The following RBP2 variants were observed in gnomAD, a reference collection of about 807,000 sequenced individuals.
The protein encoded by RBP2 is retinol binding protein 2.
In RBP2, 17 loss-of-function variants were observed where a neutral mutation model predicts 17.0. The ratio of observed to expected loss-of-function variants is 1.00; its 90% CI spans 0.68 to 1.50. RBP2 has a LOEUF of 1.50. RBP2 is among the 40% of genes most tolerant of loss of function. The probability of loss-of-function intolerance (pLI) is 0.00; values close to 1 mark genes in which losing one functional copy is unlikely to be tolerated. For missense variants in RBP2, 158 were observed against 168.2 expected (o/e 0.94, Z 0.33); for synonymous variants, 48 against 57.1 (o/e 0.84, Z 0.72).
At position 139,454,770 on chromosome 3, in the gene RBP2, G is replaced by A. The variant is rs766189249; in HGVS notation, c.313C>T (p.Arg105Cys). The A allele has an allele frequency of 1.3e-5, 21 of 1,613,998 alleles. No homozygotes were observed. Among genetic ancestry groups the A allele is most frequent in the Admixed American group, 5.0e-5 (3 of 60,000 alleles). ...VCVQKGEKENRGWKQWIEGDK... is the reference protein window; with the variant it reads ...VCVQKGEKENCGWKQWIEGDK... ...CCCTCAATCCACTGCTTCCAGCCGCGGTTCTCCTTCTCCCCCTTTTGCACA... is the reference window on the plus strand; with the variant it reads ...CCCTCAATCCACTGCTTCCAGCCGCAGTTCTCCTTCTCCCCCTTTTGCACA... Residue 105 changes from arginine to cysteine, a missense_variant, in exon 3 of 4, where the codon CGC (arginine) becomes TGC (cysteine). Arg to Cys is a radical substitution (Grantham distance 180). Coordinates refer to ENST00000232217, the MANE Select transcript of RBP2 (RefSeq NM_004164.3).
intron 1 of RBP2, among the ~76,000 whole-genome samples, chr3:139,463,038 G>A (rs1219300082): frequency 6.6e-6 from 1 of 151,658 alleles, no homozygotes; most frequent in South Asian, 2.1e-4. Flanking sequence ...TTCACCATTT[G>A]CCCAGGCTGG....
intron 1 of RBP2, among the ~76,000 whole-genome samples, chr3:139,468,343 G>A (rs532526970): frequency 6.6e-6 from 1 of 152,316 alleles, no homozygotes; most frequent in East Asian, 1.9e-4. Flanking sequence ...GTCCCTGGTT[G>A]CATAGAAAGG....
chr3:139,471,282 T>G (rs1473003229), intron 1 of RBP2, among the ~76,000 whole-genome samples: 1 of 152,242 alleles, frequency 6.6e-6, no homozygotes, highest in East Asian at 1.9e-4. Flanking sequence ...ATGAGAATAA[T>G]TTGTGCTTGT....
chr3:139,471,080 T>A (rs1032273910), intron 1 of RBP2, among the ~76,000 whole-genome samples: 3 of 152,196 alleles, frequency 2.0e-5, no homozygotes, highest in African/African-American at 2.4e-5. Context: ...TTAAACTATT[T>A]GTTTACTTTC....
Position 139,453,174 on chromosome 3 carries a change from G to A in RBP2, c.355-8C>T, listed in dbSNP as rs534292803. The stretch of plus-strand genomic sequence containing the variant: ...GTCACCACAGGTCAGCTCCTGCAAC[G>A]TCAGAAAGTGGGTGAGGGTCTAACA... On this transcript the variant is annotated splice_polypyrimidine_tract_variant and splice_region_variant and intron_variant, in intron 3 of 3. Coordinates refer to ENST00000232217, the MANE Select transcript of RBP2 (RefSeq NM_004164.3). 5.6e-6 allele frequency: 9 copies of A among 1,614,090 alleles called. No individual in the cohort carries two copies. The highest frequency in any genetic ancestry group is 5.3e-5 in the African/African-American group (4 of 75,034).
rs755289228 is a variant in RBP2 at position 139,462,324 on chromosome 3, T to G, written c.74-34A>C. ...AAAGGGAGTTGTGGAGGTTATGATGTGCTCAGCCAGACTCATTCATTTCGT... is the reference window on the plus strand; with the variant it reads ...AAAGGGAGTTGTGGAGGTTATGATGGGCTCAGCCAGACTCATTCATTTCGT... On this transcript the variant is annotated intron_variant, in intron 1 of 3. Coordinates refer to ENST00000232217, the MANE Select transcript of RBP2 (RefSeq NM_004164.3). 1.2e-5 allele frequency: 19 copies of G among 1,606,992 alleles called. No homozygotes were observed. In the South Asian group the frequency reaches 2.0e-4, roughly 17 times the overall value.
At chr3:139,464,936 A>G (rs1278365265) in intron 1 of RBP2, among the ~76,000 whole-genome samples, 7 of 152,212 alleles carry the variant, frequency 4.6e-5, no homozygotes, top group Non-Finnish European at 1.0e-4. Flanking sequence ...AACTTTGTCC[A>G]TAGGAGGCTG....
intron 1 of RBP2, among the ~76,000 whole-genome samples, chr3:139,465,746 C>T (rs183636504): frequency 8.5e-5 from 13 of 152,138 alleles, no homozygotes; most frequent in Non-Finnish European, 1.5e-4. Flanking sequence ...CATACTGTCC[C>T]CCACCAAATG....
chr3:139,476,328 G>A lies in RBP2; in HGVS notation c.73+59C>T, dbSNP rs1576430716. The A allele has an allele frequency of 4.2e-6, 6 of 1,443,728 alleles. No homozygotes were observed. The East Asian group carries it at 1.4e-4, about 33-fold the overall frequency. 89.4% of individuals were successfully genotyped at this position (1,443,728 alleles called of 1,614,324 possible). A position where few individuals can be genotyped will look rare whatever the true frequency, so the allele number is the denominator to read the frequency against. ...AACTCCATAGCAGCACTGTCTGGAG[G>A]GCCAGACCACAGTACTCCCAACAAC... is the stretch of plus-strand genomic sequence containing the variant. On this transcript the variant is annotated intron_variant, in intron 1 of 3. Coordinates refer to ENST00000232217, the MANE Select transcript of RBP2 (RefSeq NM_004164.3).
chr3:139,472,896 C>T (rs1933612209), intron 1 of RBP2, among the ~76,000 whole-genome samples: 1 of 152,214 alleles, frequency 6.6e-6, no homozygotes, highest in South Asian at 2.1e-4. Flanking sequence ...ATGGCACAGT[C>T]CCTGGCATCC....
At chr3:139,476,309 A>G (rs2107887899) in intron 1 of RBP2, 78 bp downstream of exon 1, 9 of 1,239,960 alleles carry the variant, frequency 7.3e-6, no homozygotes, top group Non-Finnish European at 1.1e-5. Flanking sequence ...GTTGAACTCC[A>G]TAGCAGCACT....
intron 1 of RBP2, among the ~76,000 whole-genome samples, chr3:139,466,059 T>C (rs1255234464): frequency 6.6e-6 from 1 of 152,108 alleles, no homozygotes; most frequent in Non-Finnish European, 1.5e-5. Flanking sequence ...GTCAAAAAAA[T>C]GGGCTCACGA....
chr3:139,462,598 CG>C (rs1933231999), intron 1 of RBP2, among the ~76,000 whole-genome samples: 2 of 150,538 alleles, frequency 1.3e-5, no homozygotes, highest in Admixed American at 6.6e-5. Flanking sequence ...CACACACACA[CG>C]TCACAGCAGC....
intron 1 of RBP2, among the ~76,000 whole-genome samples, chr3:139,471,166 T>C (rs1933554037): frequency 6.6e-6 from 1 of 152,214 alleles, no homozygotes; most frequent in African/African-American, 2.4e-5. Flanking sequence ...CTCCAATGCC[T>C]AGAGCACTTC....
intron 2 of RBP2, among the ~76,000 whole-genome samples, chr3:139,459,383 C>T (rs1287022948): frequency 9.2e-6 from 1 of 108,306 alleles, no homozygotes; most frequent in Non-Finnish European, 1.9e-5. Context: ...TGGTGAAACC[C>T]TGTTTCTACT....
chr3:139,466,277 C>G (rs1419229222), intron 1 of RBP2, among the ~76,000 whole-genome samples: 1 of 152,174 alleles, frequency 6.6e-6, no homozygotes, highest in African/African-American at 2.4e-5. Flanking sequence ...ACACAACTTA[C>G]TATGGAAAGG....
chr3:139,459,787 G>A (rs1036293455), intron 2 of RBP2, among the ~76,000 whole-genome samples: 1 of 151,476 alleles, frequency 6.6e-6, no homozygotes, highest in Non-Finnish European at 1.5e-5. Flanking sequence ...TGGAGGCTGG[G>A]CAAACTGTCC....
At position 139,462,273 on chromosome 3, in the gene RBP2, G is replaced by A. The variant is rs189732892; in HGVS notation, c.91C>T (p.Arg31Cys). ...MKALDIDFAT[R>C]KIAVRLTQTK... is the part of the protein sequence containing the mutation. ...TGAGTGAGACGTACTGCAATCTTGC[G>A]GGTGGCAAAATCAATATCTGTTGGC... Residue 31 changes from arginine to cysteine, a missense_variant, in exon 2 of 4, where the codon CGC becomes TGC. By Grantham distance (180) the Arg-to-Cys change is radical. Coordinates refer to ENST00000232217, the MANE Select transcript of RBP2 (RefSeq NM_004164.3). 1.4e-5 allele frequency: 22 copies of A among 1,614,030 alleles called. No homozygotes were observed. Among genetic ancestry groups the A allele is most frequent in the South Asian group, 7.7e-5 (7 of 91,066 alleles).
At chr3:139,466,425 AT>A in intron 1 of RBP2, 1 of 152,256 alleles carries the variant, frequency 6.6e-6, no homozygotes, top group East Asian at 1.9e-4. Flanking sequence ...GACTTAAAAA[AT>A]GAACCCTTCC....
Sources: gnomAD v4.1 joint callset for allele counts (sites outside exome capture counted in the v4.1 genomes callset) on GRCh38, gnomAD v4.1.1 for gene constraint, MANE v1.5 for transcripts, NCBI Gene and HGNC (gene_info 2026-07-23, HGNC 2026-07-21) for gene names.